PIK3CB: variants seen among roughly 807,000 people sequenced by gnomAD.
The protein encoded by PIK3CB is phosphatidylinositol 4,5-bisphosphate 3-kinase catalytic subunit beta isoform.
PIK3CB carries 39 observed loss-of-function variants against 136.8 expected under a neutral mutation model. The ratio of observed to expected loss-of-function variants is 0.29; its 90% CI spans 0.22 to 0.37. The LOEUF (loss-of-function observed/expected upper bound fraction) is 0.37. Among genes scored for constraint, PIK3CB ranks in the 10% least tolerant of loss-of-function variants. PIK3CB has a pLI of 1.00. For missense variants in PIK3CB, 868 were observed against 1,275.4 expected (o/e 0.68, Z 4.87); for synonymous variants, 428 against 436.6 (o/e 0.98, Z 0.25).
chr3:138,667,820 A>G (rs1361603166), intron 19 of PIK3CB, among the ~76,000 whole-genome samples: 1 of 151,838 alleles, frequency 6.6e-6, no homozygotes, highest in African/African-American at 2.4e-5. Flanking sequence ...TAATCCCAGC[A>G]CTTTGGGTGG....
At chr3:138,733,856 C>T (rs546845466) in intron 7 of PIK3CB, among the ~76,000 whole-genome samples, 8 of 151,684 alleles carry the variant, frequency 5.3e-5, no homozygotes, top group Admixed American at 3.9e-4. Context: ...CCAGCCTGGG[C>T]GACAGAGCAA....
intron 8 of PIK3CB, among the ~76,000 whole-genome samples, chr3:138,729,713 A>G (rs780318204): frequency 3.5e-4 from 53 of 152,300 alleles, no homozygotes; most frequent in Non-Finnish European, 5.9e-4. Flanking sequence ...TTTCAGATTC[A>G]GACTGGAACT....
intron 2 of PIK3CB, among the ~76,000 whole-genome samples, chr3:138,790,747 G>C (rs1317525129): frequency 6.6e-6 from 1 of 150,690 alleles, no homozygotes; most frequent in African/African-American, 2.4e-5. Context: ...CCAGGAGGCA[G>C]AGCTTGCAGT....
intron 1 of PIK3CB, among the ~76,000 whole-genome samples, chr3:138,833,211 C>T (rs1446160602): frequency 6.6e-6 from 1 of 151,572 alleles, no homozygotes; most frequent in Admixed American, 6.6e-5. Context: ...GGATTACAAG[C>T]GCCCGCCACC....
At position 138,682,072 on chromosome 3, in the gene PIK3CB, C is replaced by T. The variant is rs771385811; in HGVS notation, c.2426-27G>A. 3 of 1,482,302 alleles carry T rather than the reference C, an allele frequency of 2.0e-6. No homozygotes were observed. In the African/African-American group the frequency reaches 4.2e-5, roughly 21 times the overall value. The allele number at this position is 1,482,302 out of a possible 1,614,324, so 91.8% of individuals were successfully genotyped here. ...TAAGGGAAAACAAACTGCTTCATTA[C>T]AAGTGCTTTTCCTTTTATGCCCTGT... On this transcript the variant is annotated intron_variant, in intron 18 of 23. Transcript: ENST00000674063.
intron 22 of PIK3CB, among the ~76,000 whole-genome samples, chr3:138,657,042 C>T (rs2043203438): frequency 6.6e-6 from 1 of 152,194 alleles, no homozygotes; most frequent in African/African-American, 2.4e-5. Context: ...GCTGAGATTA[C>T]AGGCATGACC....
chr3:138,770,741 T>C (rs1453310442), intron 2 of PIK3CB, among the ~76,000 whole-genome samples: 2 of 152,182 alleles, frequency 1.3e-5, no homozygotes, highest in Non-Finnish European at 2.9e-5. Flanking sequence ...AGACTAAGTC[T>C]TGCTCTGTCA....
chr3:138,727,238 T>C (rs2044858587), intron 8 of PIK3CB, among the ~76,000 whole-genome samples: 1 of 152,180 alleles, frequency 6.6e-6, no homozygotes, highest in South Asian at 2.1e-4. Flanking sequence ...ATGTGTCCTA[T>C]ATGATCTCTC....
chr3:138,802,771 G>C (rs536541843), intron 1 of PIK3CB, among the ~76,000 whole-genome samples: 1 of 152,146 alleles, frequency 6.6e-6, no homozygotes, highest in South Asian at 2.1e-4. Context: ...CTCTCTTGAG[G>C]TTTCTTAAAA....
chr3:138,739,688 C>T (rs186623621), intron 5 of PIK3CB, among the ~76,000 whole-genome samples: 2 of 149,950 alleles, frequency 1.3e-5, no homozygotes, highest in Non-Finnish European at 3.0e-5. Context: ...ATCACTTAAG[C>T]TCAGGAGCTC....
intron 18 of PIK3CB, among the ~76,000 whole-genome samples, chr3:138,683,383 C>A (rs2043819755): frequency 6.7e-6 from 1 of 150,104 alleles, no homozygotes; most frequent in East Asian, 2.0e-4. Flanking sequence ...AAAATAATAT[C>A]TTGTATTTCA....
intron 1 of PIK3CB, among the ~76,000 whole-genome samples, chr3:138,801,290 G>A (rs770023132): frequency 1.3e-5 from 2 of 152,134 alleles, no homozygotes; most frequent in Non-Finnish European, 2.9e-5. Flanking sequence ...TTGTACCATA[G>A]CAATTTGTAT....
intron 4 of PIK3CB, among the ~76,000 whole-genome samples, chr3:138,752,482 C>T (rs1021407393): frequency 6.6e-6 from 1 of 152,144 alleles, no homozygotes; most frequent in African/African-American, 2.4e-5. Context: ...TTCTTAAATA[C>T]ACAACTTACT....
At chr3:138,735,507 C>T (rs376047321) in intron 6 of PIK3CB, among the ~76,000 whole-genome samples, 13 of 152,240 alleles carry the variant, frequency 8.5e-5, no homozygotes, top group East Asian at 5.8e-4. Context: ...AAGCTGAATA[C>T]GTGGTTCGCA....
chr3:138,822,140 G>GA (rs145825534), intron 1 of PIK3CB, among the ~76,000 whole-genome samples: 71 of 141,754 alleles, frequency 5.0e-4, no homozygotes, highest in African/African-American at 4.4e-4. Context: ...CCTGTCTCCA[G>GA]AAAAAAAAAA....
At chr3:138,695,933 T>A (rs1177351735) in intron 13 of PIK3CB, among the ~76,000 whole-genome samples, 1 of 103,742 alleles carries the variant, frequency 9.6e-6, no homozygotes, top group Non-Finnish European at 2.4e-5. Flanking sequence ...TTTTTTGTAT[T>A]TTTTTTTTTT....
intron 1 of PIK3CB, among the ~76,000 whole-genome samples, chr3:138,832,087 A>G (rs570210645): frequency 7.2e-5 from 11 of 152,352 alleles, no homozygotes; most frequent in African/African-American, 2.6e-4. Context: ...TCTAAGCTAG[A>G]CAACTGGGAA....
chr3:138,737,881 C>T lies in PIK3CB; in HGVS notation c.627G>A (p.Val209=). The T allele has an allele frequency of 4.4e-6, 7 of 1,591,414 alleles. No homozygotes were observed. Among genetic ancestry groups the T allele is most frequent in the Non-Finnish European group, 6.0e-6 (7 of 1,167,164 alleles). The change falls in exon 6 of 24, where the codon GTG becomes GTA. Residue 209 remains valine (V), a synonymous_variant. Coordinates refer to ENST00000674063, the MANE Select transcript of PIK3CB (RefSeq NM_006219.3). ...VAVHFENCQD[V]FSFQVSPNMN... is the part of the protein sequence containing the mutation. The stretch of plus-strand genomic sequence containing the variant: ...TATTAGGAGACACTTGAAAGCTAAA[C>T]ACGTCCTGAAGGGGGAGGGAGATGG...
intron 9 of PIK3CB, among the ~76,000 whole-genome samples, 196 bp from the exon 10 acceptor site, chr3:138,712,500 C>CA (rs2044523170): frequency 6.6e-6 from 1 of 151,290 alleles, no homozygotes; most frequent in African/African-American, 2.4e-5. Context: ...CCTTAAAACT[C>CA]AATTAACATT....
Sources: allele counts gnomAD v4.1 joint callset (sites outside exome capture counted in the v4.1 genomes callset), GRCh38; gene constraint gnomAD v4.1.1; transcripts MANE v1.5; gene names NCBI Gene and HGNC (gene_info 2026-07-23, HGNC 2026-07-21).